Variants in COL20A1 observed in about 807,000 individuals in gnomAD.
The protein encoded by COL20A1 is collagen type XX alpha 1 chain, also known as collagen alpha-1(XX) chain.
In COL20A1, 164 loss-of-function variants were observed where a neutral mutation model predicts 152.9. The observed-to-expected ratio is 1.07, with a 90% CI of 0.94 to 1.22. The LOEUF (loss-of-function observed/expected upper bound fraction) is 1.22, where lower values mean the gene tolerates loss of function less well. Ranked by LOEUF, COL20A1 falls within the 50% of genes most tolerant of loss-of-function variation. The probability of loss-of-function intolerance (pLI) is 0.00; values close to 1 mark genes in which losing one functional copy is unlikely to be tolerated. For synonymous variants in COL20A1, 864 were observed against 756.0 expected (o/e 1.14, Z -2.34); for missense variants, 1,873 against 1,744.8 (o/e 1.07, Z -1.31).
At position 63,319,482 on chromosome 20, in the gene COL20A1, G is replaced by C; in HGVS notation, c.2807-5G>C. On this transcript the variant is annotated splice_polypyrimidine_tract_variant and splice_region_variant and intron_variant, in intron 22 of 35. Transcript: ENST00000358894. This position sits in a 1 kb window ranked among gnomAD's most constrained non-coding sequence, Gnocchi z 4.4. ...TTCTCACCTGCTCCACCCCTTCCCT[G>C]GCAGCCGGGAAGAAGTCCCTGACCT... The C allele has an allele frequency of 6.4e-7, 1 of 1,563,972 alleles. No individual in the cohort carries two copies. The highest frequency in any genetic ancestry group is 8.7e-7 in the Non-Finnish European group (1 of 1,154,716).
chr20:63,294,889 C>T (rs903430422), intron 1 of COL20A1, among the ~76,000 whole-genome samples: 1 of 152,234 alleles, frequency 6.6e-6, no homozygotes, highest in African/African-American at 2.4e-5. Context: ...AGCCCCAGCT[C>T]TAGCCTTGGG....
Position 63,312,048 on chromosome 20 carries a change from C to T in COL20A1, c.1796C>T (p.Ser599Leu), listed in dbSNP as rs45465106. The T allele has an allele frequency of 1.9e-4, 303 of 1,577,752 alleles. No individual in the cohort carries two copies. Among genetic ancestry groups the T allele is most frequent in the Non-Finnish European group, 2.4e-4 (284 of 1,160,246 alleles). ...VTYVSSEGGH[S>L]GQTEAPGNAT... ...TATGTGTCCAGCGAGGGTGGACACT[C>T]GGGGCAGGTGAGAGCAGAGCCCTCC... Residue 599 changes from serine to leucine, a missense_variant, in exon 14 of 36, where the codon TCG becomes TTG. Coordinates refer to ENST00000358894, the MANE Select transcript of COL20A1 (RefSeq NM_020882.4).
At chr20:63,327,712 G>A (rs1352417536) in intron 31 of COL20A1, 1 of 576,714 alleles carries the variant, frequency 1.7e-6, no homozygotes, top group Non-Finnish European at 3.1e-6. Context: ...GTCCTTTGTG[G>A]CACAAGTTCC....
intron 28 of COL20A1, 39 bp from the exon 29 acceptor site, chr20:63,325,629 C>T (rs1242822689): frequency 5.7e-6 from 9 of 1,592,432 alleles, no homozygotes; most frequent in South Asian, 2.2e-5. Flanking sequence ...TGGATGTGAC[C>T]CTGGCCCCTG....
intron 31 of COL20A1, 83 bp from the exon 32 acceptor site, chr20:63,327,869 T>C (rs2068274572): frequency 7.2e-7 from 1 of 1,379,662 alleles, no homozygotes; most frequent in Non-Finnish European, 1.0e-6. Flanking sequence ...TGAGTGAGGA[T>C]CCACCTCAGG....
chr20:63,314,267 C>T (rs1011237468), intron 19 of COL20A1, 66 bp downstream of exon 19: 4 of 1,416,136 alleles, frequency 2.8e-6, no homozygotes, highest in Non-Finnish European at 3.9e-6. Context: ...GACCCCAGAC[C>T]CTGCCAGCTC....
In COL20A1 at chr20:63,311,490, T is replaced by C; in HGVS notation, c.1490T>C (p.Leu497Pro). 1 of 1,580,816 alleles carries C rather than the reference T, an allele frequency of 6.3e-7. No individual in the cohort carries two copies. Among genetic ancestry groups the C allele is most frequent in the South Asian group, 1.1e-5 (1 of 86,964 alleles). Reference protein sequence around the residue: ...WQPSAGATHYLVRCSPASPKG... With the variant: ...WQPSAGATHYPVRCSPASPKG... The stretch of plus-strand genomic sequence containing the variant: ...CCCTCGGCCGGGGCCACCCACTACC[T>C]GGTGCGATGTTCTCCTGCTTCCCCC... The change falls in exon 12 of 36, where the codon CTG becomes CCG. Residue 497 changes from leucine (L) to proline (P), a missense_variant. Transcript: ENST00000358894. The surrounding 1 kb of genome is among the most constrained non-coding windows in gnomAD (Gnocchi z 4.4).
intron 3 of COL20A1, among the ~76,000 whole-genome samples, chr20:63,302,785 C>T (rs1255929422): frequency 2.0e-5 from 3 of 152,204 alleles, no homozygotes; most frequent in East Asian, 3.8e-4. Flanking sequence ...ATTGTTCTGT[C>T]GAACTTCCCA....
intron 3 of COL20A1, among the ~76,000 whole-genome samples, chr20:63,299,847 G>A (rs908019524): frequency 9.3e-5 from 13 of 140,184 alleles, no homozygotes; most frequent in African/African-American, 3.2e-4. Context: ...ATATATACGT[G>A]TGTGTGTATA....
chr20:63,301,309 C>T (rs1282830505), intron 3 of COL20A1, among the ~76,000 whole-genome samples: 11 of 151,832 alleles, frequency 7.2e-5, no homozygotes, highest in African/African-American at 1.5e-4. Context: ...AGCAAGACTC[C>T]GTCTCAAAAA....
At chr20:63,325,840 G>A in intron 29 of COL20A1, 119 bp downstream of exon 29, 1 of 925,534 alleles carries the variant, frequency 1.1e-6, no homozygotes, top group Middle Eastern at 2.6e-4. Flanking sequence ...CTGGGCTCCT[G>A]CCTCACCTGC....
chr20:63,303,803 TCCTC>T (rs201345015), intron 3 of COL20A1, among the ~76,000 whole-genome samples: 103 of 150,332 alleles, frequency 6.9e-4, no homozygotes, highest in African/African-American at 2.4e-3. Context: ...CTCCCTCCCT[TCCTC>T]CCTCCCTCCC....
intron 20 of COL20A1, among the ~76,000 whole-genome samples, chr20:63,316,040 G>A (rs1258029438): frequency 6.6e-6 from 1 of 152,176 alleles, no homozygotes; most frequent in Non-Finnish European, 1.5e-5. Context: ...CAGGGAATGG[G>A]GTCATCGCAG....
rs779080014 is a variant in COL20A1 at position 63,319,589 on chromosome 20, T to C, written c.2909T>C (p.Phe970Ser). 3.8e-6 allele frequency: 6 copies of C among 1,573,810 alleles called. No homozygotes were observed. The highest frequency in any genetic ancestry group is 5.2e-6 in the Non-Finnish European group (6 of 1,160,100). ...QEVRKIFFGS[F>S]HKVHVAVGRS... is the part of the protein sequence containing the mutation. Reference sequence around the variant, plus strand: ...GTGAGGAAGATTTTCTTCGGGAGCTTCCACAAGGTCCTGGTGCAGCTCGCG... The same window carrying C: ...GTGAGGAAGATTTTCTTCGGGAGCTCCCACAAGGTCCTGGTGCAGCTCGCG... The change falls in exon 23 of 36, where the codon TTC (phenylalanine) becomes TCC (serine). Residue 970 changes from phenylalanine (F) to serine (S), a missense_variant. Coordinates refer to ENST00000358894, the MANE Select transcript of COL20A1 (RefSeq NM_020882.4). The surrounding 1 kb of genome is among the most constrained non-coding windows in gnomAD (Gnocchi z 4.4).
chr20:63,305,939 A>G lies in COL20A1; in HGVS notation c.396A>G (p.Gly132=). 6.2e-7 allele frequency: 1 copy of G among 1,612,152 alleles called. No individual in the cohort carries two copies. Among genetic ancestry groups the G allele is most frequent in the Non-Finnish European group, 8.5e-7 (1 of 1,179,268 alleles). ...GCAGCCAGAGGCCCCTCGGCTCTGG[A>G]GCCCCGGAGCCCACCCCCTCCCACA... The part of the protein sequence containing the change: ...DRSSQRPLGS[G]APEPTPSHTG... Residue 132 remains glycine (G), a synonymous_variant, in exon 5 of 36, where the codon GGA becomes GGG. Coordinates refer to ENST00000358894, the MANE Select transcript of COL20A1 (RefSeq NM_020882.4). The surrounding 1 kb of genome is among the most constrained non-coding windows in gnomAD (Gnocchi z 4.9).
chr20:63,319,093 CCAT>C lies in COL20A1; in HGVS notation c.2701_2703del (p.Ile901del), dbSNP rs1031138698. 4.3e-6 allele frequency: 7 copies of C among 1,612,430 alleles called. No individual in the cohort carries two copies. In the African/African-American group the frequency reaches 9.4e-5, roughly 22 times the overall value. On this transcript the variant is annotated inframe_deletion, in exon 22 of 36. Transcript: ENST00000358894. This position sits in a 1 kb window ranked among gnomAD's most constrained non-coding sequence, Gnocchi z 4.4. ...CCAGCCCCCCTACCTCCAGAGCACA[CCAT>C]CGTCTTCCTTGTGCGCCTACTTCCC...
intron 34 of COL20A1, chr20:63,329,269 G>T: frequency 3.0e-6 from 1 of 330,978 alleles, no homozygotes; most frequent in Non-Finnish European, 5.5e-6. Context: ...CAGATGAGGG[G>T]TACATCACTA....
chr20:63,310,345 C>A, intron 10 of COL20A1, 36 bp from the exon 11 acceptor site: 1 of 1,607,052 alleles, frequency 6.2e-7, no homozygotes, highest in East Asian at 2.2e-5. Flanking sequence ...CCCGGCACCC[C>A]CCTTCCTGGC....
intron 5 of COL20A1, among the ~76,000 whole-genome samples, chr20:63,307,149 C>T (rs972284082): frequency 1.2e-4 from 18 of 152,238 alleles, no homozygotes; most frequent in Admixed American, 2.6e-4. Context: ...GTGCTCACGG[C>T]GGCTCTGCTG....
Sources: gnomAD v4.1 joint callset for allele counts (sites outside exome capture counted in the v4.1 genomes callset) on GRCh38, gnomAD v4.1.1 for gene constraint, Gnocchi (gnomAD v3.1) non-coding constraint, MANE v1.5 for transcripts, NCBI Gene and HGNC (gene_info 2026-07-23, HGNC 2026-07-21) for gene names.